Variants in ADD3 observed in about 807,000 individuals in gnomAD.
ADD3 encodes the protein adducin 3, also known as gamma-adducin.
Under a neutral mutation model 80.2 loss-of-function variants are expected in ADD3, and 25 were observed. That is an observed-to-expected ratio of 0.31 (90% CI 0.23 to 0.44). The LOEUF is 0.44. Among genes scored for constraint, ADD3 ranks in the 20% least tolerant of loss-of-function variants. The probability of loss-of-function intolerance (pLI) is 1.00; values close to 1 mark genes in which losing one functional copy is unlikely to be tolerated. For missense variants in ADD3, 829 were observed against 847.5 expected, an observed-to-expected ratio of 0.98 and a Z score of 0.27; for synonymous variants, 284 against 289.6, an observed-to-expected ratio of 0.98 and a Z score of 0.20.
At chr10:110,035,441 G>C (rs1289654831) in intron 1 of ADD3, among the ~76,000 whole-genome samples, 1 of 152,204 alleles carries the variant, frequency 6.6e-6, no homozygotes, top group African/African-American at 2.4e-5. Context: ...AATGATTAGA[G>C]TGATAACTGA....
intron 1 of ADD3, among the ~76,000 whole-genome samples, chr10:109,998,221 T>A (rs935330557): frequency 6.6e-6 from 1 of 152,204 alleles, no homozygotes; most frequent in Non-Finnish European, 1.5e-5. Context: ...TTATACTACT[T>A]CTTCTCAAGT....
intron 1 of ADD3, among the ~76,000 whole-genome samples, chr10:110,011,686 C>T (rs1180344750): frequency 2.0e-5 from 3 of 152,162 alleles, no homozygotes; most frequent in Non-Finnish European, 4.4e-5. Context: ...TCCTTTTAAA[C>T]GTAGACCTAT....
chr10:110,062,049 A>G (rs1858958081), intron 1 of ADD3, among the ~76,000 whole-genome samples: 1 of 151,732 alleles, frequency 6.6e-6, no homozygotes, highest in Admixed American at 6.6e-5. Context: ...CAACAGGAGG[A>G]CACCCCATCT....
At chr10:110,113,561 C>G (rs2134063631) in intron 3 of ADD3, among the ~76,000 whole-genome samples, 1 of 152,328 alleles carries the variant, frequency 6.6e-6, no homozygotes, top group African/African-American at 2.4e-5. Flanking sequence ...GCCACTGCAC[C>G]AGGCCCACCC....
intron 1 of ADD3, among the ~76,000 whole-genome samples, chr10:110,100,019 G>T (rs145429971): frequency 1.4e-3 from 218 of 152,114 alleles, no homozygotes; most frequent in African/African-American, 4.9e-3. Context: ...GCTCATGCCT[G>T]TAATCTTATC....
In ADD3 at chr10:110,133,498, A is replaced by C. The variant is rs145920041; in HGVS notation, c.2001A>C (p.Lys667Asn). ...AGATTACTATTAAGTCTCCAGAGAAAATCGAAGAAGTCCTGTCACCTGAAG... is the reference window on the plus strand; with the variant it reads ...AGATTACTATTAAGTCTCCAGAGAACATCGAAGAAGTCCTGTCACCTGAAG... ...NIEITIKSPE[K>N]IEEVLSPEGS... The change falls in exon 15 of 15, where the codon AAA becomes AAC. Residue 667 changes from lysine (K) to asparagine (N), a missense_variant. Physicochemically the swap from Lys to Asn is moderately conservative, Grantham distance 94. Coordinates refer to ENST00000356080, the MANE Select transcript of ADD3 (RefSeq NM_016824.5). 104 of 1,613,830 alleles carry C rather than the reference A, an allele frequency of 6.4e-5. No individual in the cohort carries two copies. Among genetic ancestry groups the C allele is most frequent in the Non-Finnish European group, 8.6e-5 (101 of 1,179,912 alleles).
intron 2 of ADD3, 133 bp downstream of exon 2, chr10:110,100,981 T>C (rs1286630190): frequency 5.6e-6 from 4 of 710,828 alleles, no homozygotes; most frequent in African/African-American, 3.7e-5. Context: ...GCTTCCAGTC[T>C]TTCAAAGGAG....
chr10:110,049,683 C>T lies in ADD3; in HGVS notation c.-30+41384C>T, dbSNP rs184700812. On this transcript the variant is annotated intron_variant, in intron 1 of 14. Transcript: ENST00000356080. Reference sequence around the variant, plus strand: ...CAGGCAGGTCACGAGGTCAGGAGATCGAGACCATCCTGGCTAACACGGTGA... The same window carrying T: ...CAGGCAGGTCACGAGGTCAGGAGATTGAGACCATCCTGGCTAACACGGTGA... Among the ~76,000 whole-genome samples the T allele has an allele frequency of 1.9e-4, 29 of 152,224 alleles. 1 individual carries two copies. Among genetic ancestry groups the T allele is most frequent in the East Asian group, 1.5e-3 (8 of 5,170 alleles).
At chr10:110,105,427 A>G (rs1849297179) in intron 2 of ADD3, among the ~76,000 whole-genome samples, 1 of 152,214 alleles carries the variant, frequency 6.6e-6, no homozygotes, top group Non-Finnish European at 1.5e-5. Flanking sequence ...AATACAAGAG[A>G]TGGTTACTAA....
intron 2 of ADD3, among the ~76,000 whole-genome samples, chr10:110,104,195 C>G (rs1849162170): frequency 6.6e-6 from 1 of 152,118 alleles, no homozygotes; most frequent in South Asian, 2.1e-4. Flanking sequence ...TTGAGAAATT[C>G]AAAGGAGTCA....
intron 1 of ADD3, among the ~76,000 whole-genome samples, chr10:110,051,300 T>C (rs1442928740): frequency 6.6e-6 from 1 of 152,122 alleles, no homozygotes; most frequent in Non-Finnish European, 1.5e-5. Flanking sequence ...AAATAGGTAA[T>C]TGAACTTTAC....
At chr10:110,051,259 T>A (rs1857485319) in intron 1 of ADD3, among the ~76,000 whole-genome samples, 1 of 152,196 alleles carries the variant, frequency 6.6e-6, no homozygotes, top group South Asian at 2.1e-4. Context: ...ATTTCTTGGA[T>A]GTGACACCAA....
At chr10:110,077,645 C>G (rs1033326133) in intron 1 of ADD3, among the ~76,000 whole-genome samples, 1 of 152,096 alleles carries the variant, frequency 6.6e-6, no homozygotes, top group Non-Finnish European at 1.5e-5. Context: ...GGCTGCAGCC[C>G]AAAGTTCTGT....
chr10:110,069,584 A>G (rs1200001605), intron 1 of ADD3, among the ~76,000 whole-genome samples: 2 of 151,712 alleles, frequency 1.3e-5, no homozygotes. Context: ...CATTAAATCT[A>G]CCTTGCTTAT....
In ADD3 at chr10:110,065,900, GT is replaced by G. The variant is rs1372210927; in HGVS notation, c.-29-34719del. On this transcript the variant is annotated intron_variant, in intron 1 of 14. Coordinates refer to ENST00000356080, the MANE Select transcript of ADD3 (RefSeq NM_016824.5). ...GTGTCTCTGTGCTTCATTCTCGCTA[GT>G]TTTTTCAAGTATGTATTTTAGTTTA... 3.3e-5 allele frequency among the ~76,000 whole-genome samples: 5 copies of G among 151,800 alleles called. No homozygotes were observed. In the East Asian group the frequency reaches 9.7e-4, roughly 29 times the overall value.
rs1363876004 is a variant in ADD3 at position 110,134,299 on chromosome 10, A to C, written c.*681A>C. ...TTTTTCAACAAAGGGGATTTTGTAC[A>C]CATAACATGGGTTATTTAGTTTAAC... On this transcript the variant is annotated 3_prime_UTR_variant, in exon 15 of 15. Coordinates refer to ENST00000356080, the MANE Select transcript of ADD3 (RefSeq NM_016824.5). 6.6e-6 allele frequency: 1 copy of C among 151,416 alleles called. No individual in the cohort carries two copies. Among genetic ancestry groups the C allele is most frequent in the Non-Finnish European group, 1.5e-5 (1 of 67,920 alleles). 9.4% of individuals were successfully genotyped at this position (151,416 alleles called of 1,614,324 possible). A position where few individuals can be genotyped will look rare whatever the true frequency, so the allele number is the denominator to read the frequency against.
At chr10:110,101,303 C>T (rs546293855) in intron 2 of ADD3, among the ~76,000 whole-genome samples, 6 of 152,194 alleles carry the variant, frequency 3.9e-5, no homozygotes. Context: ...ATGTCTACTG[C>T]AAGCACACGT....
intron 1 of ADD3, among the ~76,000 whole-genome samples, chr10:110,060,190 C>T (rs1161652696): frequency 6.6e-6 from 1 of 152,202 alleles, no homozygotes; most frequent in Non-Finnish European, 1.5e-5. Context: ...CAGCTGTATC[C>T]TGTACTTTGT....
At chr10:110,084,111 T>C (rs1293621256) in intron 1 of ADD3, among the ~76,000 whole-genome samples, 1 of 152,178 alleles carries the variant, frequency 6.6e-6, no homozygotes, top group African/African-American at 2.4e-5. Flanking sequence ...ATTTAAAATA[T>C]AGCAAGCAAT....
Sources: allele counts gnomAD v4.1 joint callset (sites outside exome capture counted in the v4.1 genomes callset), GRCh38; gene constraint gnomAD v4.1.1; transcripts MANE v1.5; gene names NCBI Gene and HGNC (gene_info 2026-07-23, HGNC 2026-07-21).